DOCK10: variants seen among roughly 807,000 people sequenced by gnomAD.
The protein encoded by DOCK10 is dedicator of cytokinesis 10.
A neutral mutation model predicts 280.1 loss-of-function variants in DOCK10; 145 were observed. That is an observed-to-expected ratio of 0.52 (90% CI 0.45 to 0.59). The LOEUF (loss-of-function observed/expected upper bound fraction) is 0.59, where lower values mean the gene tolerates loss of function less well. Among genes scored for constraint, DOCK10 ranks in the 20% least tolerant of loss-of-function variants. The pLI is 0.00. For missense variants in DOCK10, 2,368 were observed against 2,651.7 expected, an observed-to-expected ratio of 0.89 and a Z score of 2.35; for synonymous variants, 915 against 942.2, an observed-to-expected ratio of 0.97 and a Z score of 0.53.
rs1689685541 is a variant in DOCK10, at chr2:225,018,579, A to AATATATATGTAATATT, written c.123+23657_123+23672dup. ...TATATATGTAATATTATATATATAT[A>AATATATATGTAATATT]ATATATATGTAATATTATATATATA... On this transcript the variant is annotated intron_variant, in intron 1 of 55. Coordinates refer to ENST00000258390, the MANE Select transcript of DOCK10 (RefSeq NM_014689.3). 1.2e-3 allele frequency among the ~76,000 whole-genome samples: 30 copies of AATATATATGTAATATT among 25,640 alleles called. 10 individuals are homozygous for AATATATATGTAATATT. The highest frequency in any genetic ancestry group is 2.3e-3 in the Non-Finnish European group (26 of 11,194). The allele number at this position is 25,640 out of a possible 152,430, so 16.8% of individuals were successfully genotyped here.
intron 1 of DOCK10, among the ~76,000 whole-genome samples, chr2:225,017,453 A>AGAGAGC (rs1461515069): frequency 1.4e-5 from 2 of 143,630 alleles, no homozygotes; most frequent in African/African-American, 5.1e-5. Context: ...AGAGAGAGAG[A>AGAGAGC]GCAAGAGCAA....
At chr2:224,973,352 G>T (rs1705203548) in intron 1 of DOCK10, among the ~76,000 whole-genome samples, 1 of 152,154 alleles carries the variant, frequency 6.6e-6, no homozygotes, top group Non-Finnish European at 1.5e-5. Context: ...CCTAGAGATG[G>T]GAGAGGAGCG....
At chr2:225,007,906 T>A (rs1359522849) in intron 1 of DOCK10, among the ~76,000 whole-genome samples, 3 of 152,186 alleles carry the variant, frequency 2.0e-5, no homozygotes, top group African/African-American at 7.2e-5. Context: ...ATTGTGAGCA[T>A]GATCAGGGAT....
chr2:224,872,209 C>G (rs557580093), intron 11 of DOCK10, among the ~76,000 whole-genome samples: 2 of 152,328 alleles, frequency 1.3e-5, no homozygotes, highest in South Asian at 4.1e-4. Flanking sequence ...ATATCAATAA[C>G]TTGCATGCAG....
chr2:224,993,721 C>A (rs1301143759), intron 1 of DOCK10, among the ~76,000 whole-genome samples: 1 of 152,190 alleles, frequency 6.6e-6, no homozygotes, highest in Non-Finnish European at 1.5e-5. Context: ...CCCAAGCCCA[C>A]TCTGTCCCCT....
intron 1 of DOCK10, among the ~76,000 whole-genome samples, chr2:224,986,610 GCT>G (rs34881146): frequency 7.3e-4 from 109 of 148,978 alleles, no homozygotes; most frequent in Admixed American, 1.1e-3. Flanking sequence ...ATAAACACCA[GCT>G]CTCTCTCTCT....
intron 14 of DOCK10, among the ~76,000 whole-genome samples, chr2:224,858,001 G>A (rs1043376064): frequency 1.3e-5 from 2 of 152,132 alleles, no homozygotes; most frequent in African/African-American, 4.8e-5. Context: ...CTGTTAAGTA[G>A]TGAATGAGGG....
At chr2:224,888,007 T>G (rs10204381) in intron 4 of DOCK10, among the ~76,000 whole-genome samples, 26,944 of 151,962 alleles carry the variant, frequency 0.18, 3,961 homozygotes, top group African/African-American at 0.41. Context: ...AGTATGGAGG[T>G]TTCTAAGTAA....
At chr2:224,813,071 T>C (rs573766715) in intron 31 of DOCK10, among the ~76,000 whole-genome samples, 1 of 152,212 alleles carries the variant, frequency 6.6e-6, no homozygotes, top group Non-Finnish European at 1.5e-5. Context: ...ATTAAGTGAG[T>C]AGGCCTTAAT....
chr2:224,834,263 A>C lies in DOCK10; in HGVS notation c.2851T>G (p.Phe951Val), dbSNP rs867911707. 1 of 1,575,134 alleles carries C rather than the reference A, an allele frequency of 6.3e-7. No individual in the cohort carries two copies. The highest frequency in any genetic ancestry group is 1.1e-5 in the South Asian group (1 of 89,222). The change falls in exon 26 of 56, where the codon TTC becomes GTC. Residue 951 changes from phenylalanine to valine, a missense_variant and splice_region_variant. Physicochemically the swap from Phe to Val is conservative, Grantham distance 50. Coordinates refer to ENST00000258390, the MANE Select transcript of DOCK10 (RefSeq NM_014689.3). ...TTGCATGCCCTGGTCTTGAACACGA[A>C]CTGAAGAAAATCCAAAAAGTGAATA... ...LDHSVQSYIK[F>V]VFKTRACKER...
intron 1 of DOCK10, among the ~76,000 whole-genome samples, chr2:225,034,318 T>G (rs1392837704): frequency 2.0e-5 from 3 of 152,204 alleles, no homozygotes; most frequent in Non-Finnish European, 2.9e-5. Context: ...GTTCCTGATC[T>G]CTAAGCATCT....
chr2:224,882,706 G>A (rs1028426248), intron 7 of DOCK10, among the ~76,000 whole-genome samples: 3 of 152,100 alleles, frequency 2.0e-5, no homozygotes, highest in Admixed American at 6.5e-5. Flanking sequence ...TTGATTCAAC[G>A]GAACCTGGCA....
intron 55 of DOCK10, among the ~76,000 whole-genome samples, chr2:224,769,952 T>A (rs1690311318): frequency 6.6e-6 from 1 of 152,216 alleles, no homozygotes; most frequent in South Asian, 2.1e-4. Flanking sequence ...GGGACTCACA[T>A]AGTCTAGAAA....
intron 1 of DOCK10, among the ~76,000 whole-genome samples, chr2:224,963,182 C>T (rs1010336295): frequency 2.0e-5 from 3 of 152,128 alleles, no homozygotes; most frequent in Non-Finnish European, 2.9e-5. Flanking sequence ...TTATTCCCTT[C>T]GTGGCCTGCT....
intron 1 of DOCK10, among the ~76,000 whole-genome samples, chr2:224,969,042 GA>G (rs1413327347): frequency 6.6e-6 from 1 of 152,212 alleles, no homozygotes; most frequent in Non-Finnish European, 1.5e-5. Context: ...GTCTTCTGCG[GA>G]ACCCCAGGGC....
chr2:224,998,846 G>A (rs538932654), intron 1 of DOCK10, among the ~76,000 whole-genome samples: 1 of 152,242 alleles, frequency 6.6e-6, no homozygotes, highest in South Asian at 2.1e-4. Context: ...GAAAAGGATG[G>A]CTGAAATTCT....
chr2:224,931,092 G>C (rs1702340100), intron 2 of DOCK10, among the ~76,000 whole-genome samples: 1 of 152,184 alleles, frequency 6.6e-6, no homozygotes, highest in Non-Finnish European at 1.5e-5. Context: ...TTGCCCCCAG[G>C]TGTCAGTATC....
chr2:224,823,756 A>G, intron 27 of DOCK10, 109 bp from the exon 28 acceptor site: 1 of 1,069,278 alleles, frequency 9.4e-7, no homozygotes, highest in Non-Finnish European at 1.3e-6. Context: ...AAGAAAAAGA[A>G]TCCTTTTGAA....
rs1696222913 is a variant in DOCK10 at position 224,844,826 on chromosome 2, T to G, written c.2495A>C (p.Asp832Ala). 3 of 1,607,250 alleles carry G rather than the reference T, an allele frequency of 1.9e-6. No homozygotes were observed. Among genetic ancestry groups the G allele is most frequent in the Non-Finnish European group, 2.6e-6 (3 of 1,176,434 alleles). The change falls in exon 22 of 56, where the codon GAC (aspartate) becomes GCC (alanine). Residue 832 changes from aspartate to alanine, a missense_variant. This residue lies in a region of DOCK10 where 1,209 missense variants were observed against 1,250.9 expected (regional missense o/e 0.97). Coordinates refer to ENST00000258390, the MANE Select transcript of DOCK10 (RefSeq NM_014689.3). ...TTTGCCACCATCAACCCATTTAATGTCACTCCCACCATGCTGCAAAATAAA... is the reference window on the plus strand; with the variant it reads ...TTTGCCACCATCAACCCATTTAATGGCACTCCCACCATGCTGCAAAATAAA... ...DSASGKHGGSDIKWVDGGKPL... is the reference protein window; with the variant it reads ...DSASGKHGGSAIKWVDGGKPL...
Sources: gnomAD v4.1 joint callset for allele counts (sites outside exome capture counted in the v4.1 genomes callset) on GRCh38, gnomAD v4.1.1 for gene constraint, gnomAD v4.1.1 regional missense constraint, MANE v1.5 for transcripts, NCBI Gene and HGNC (gene_info 2026-07-23, HGNC 2026-07-21) for gene names.